Variants in CHN2 observed in about 807,000 individuals in gnomAD.
CHN2 encodes beta-chimaerin.
In CHN2, 35 loss-of-function variants were observed where a neutral mutation model predicts 56.3. The observed-to-expected ratio is 0.62, with a 90% CI of 0.47 to 0.82. CHN2 has a LOEUF of 0.82. Ranked by LOEUF, CHN2 falls within the 40% of genes least tolerant of loss-of-function variation. The pLI is 0.00. For missense variants in CHN2, 491 were observed against 580.5 expected (o/e 0.85, Z 1.58); for synonymous variants, 210 against 212.8 (o/e 0.99, Z 0.12).
Position 29,442,934 on chromosome 7 carries a change from C to CTTTTTTTTTTTTTTTTTTT in CHN2, c.577-37328_577-37327insTTTTTTTTTTTTTTTTTTT, listed in dbSNP as rs541792526. ...CATCGCTTTCAATTTCATTGAATTT[C>CTTTTTTTTTTTTTTTTTTT]TTTTTTTTTTTTTTTTTGAGACGGA... On this transcript the variant is annotated intron_variant, in intron 6 of 12. Coordinates refer to ENST00000222792, the MANE Select transcript of CHN2 (RefSeq NM_004067.4). Among the ~76,000 whole-genome samples the CTTTTTTTTTTTTTTTTTTT allele has an allele frequency of 1.3e-3, 130 of 103,040 alleles. 17 individuals carry two copies. Among genetic ancestry groups the CTTTTTTTTTTTTTTTTTTT allele is most frequent in the Non-Finnish European group, 1.7e-3 (95 of 54,728 alleles). The allele number at this position is 103,040 out of a possible 152,430, so 67.6% of individuals were successfully genotyped here. A position where few individuals can be genotyped will look rare whatever the true frequency, so the allele number is the denominator to read the frequency against.
intron 1 of CHN2, among the ~76,000 whole-genome samples, chr7:29,347,455 C>T (rs1322071649): frequency 6.6e-6 from 1 of 152,102 alleles, no homozygotes; most frequent in Non-Finnish European, 1.5e-5. Flanking sequence ...CCTCAGGAAA[C>T]TTACAATCAT....
chr7:29,328,236 C>A (rs887741171), intron 1 of CHN2, among the ~76,000 whole-genome samples: 2 of 152,144 alleles, frequency 1.3e-5, no homozygotes. Context: ...TTAACTTAGG[C>A]AAACACTTCC....
At chr7:29,482,259 A>G (rs1488407669) in intron 7 of CHN2, among the ~76,000 whole-genome samples, 1 of 152,222 alleles carries the variant, frequency 6.6e-6, no homozygotes, top group Admixed American at 6.5e-5. Context: ...CATGTTTTAA[A>G]CAGACATCTT....
At chr7:29,204,742 A>G (rs1301591271) in intron 1 of CHN2, among the ~76,000 whole-genome samples, 2 of 152,132 alleles carry the variant, frequency 1.3e-5, no homozygotes, top group South Asian at 2.1e-4. Flanking sequence ...CCTAGGGTTG[A>G]ACTTTGGTCT....
chr7:29,320,892 C>T (rs570752696), intron 1 of CHN2, among the ~76,000 whole-genome samples: 1 of 152,314 alleles, frequency 6.6e-6, no homozygotes, highest in East Asian at 1.9e-4. Context: ...ATAGAGACCA[C>T]ATGGGTCCCA....
chr7:29,425,180 T>C (rs1353677157), intron 6 of CHN2, among the ~76,000 whole-genome samples: 1 of 152,222 alleles, frequency 6.6e-6, no homozygotes, highest in Non-Finnish European at 1.5e-5. Context: ...CCCCCTGCGG[T>C]TGGGTGAGGC....
At chr7:29,418,544 T>TTTTTG (rs1378345990) in intron 6 of CHN2, among the ~76,000 whole-genome samples, 1 of 152,242 alleles carries the variant, frequency 6.6e-6, no homozygotes, top group African/African-American at 2.4e-5. Context: ...ATGAATTCTT[T>TTTTTG]TTTTGTTTTG....
intron 3 of CHN2, among the ~76,000 whole-genome samples, chr7:29,374,927 G>A (rs1461652397): frequency 6.8e-6 from 1 of 146,288 alleles, no homozygotes; most frequent in Admixed American, 7.0e-5. Flanking sequence ...GCTCTCGTTG[G>A]CCCAGGCTGG....
At chr7:29,493,424 C>T (rs1009115454) in intron 7 of CHN2, among the ~76,000 whole-genome samples, 1 of 152,122 alleles carries the variant, frequency 6.6e-6, no homozygotes, top group Non-Finnish European at 1.5e-5. Flanking sequence ...TTTTAAATAT[C>T]ATCTATTCAT....
chr7:29,473,023 T>A (rs563504660), intron 6 of CHN2, among the ~76,000 whole-genome samples: 3 of 152,194 alleles, frequency 2.0e-5, no homozygotes, highest in Admixed American at 2.0e-4. Context: ...TACATCCAGG[T>A]GTGTGTATAC....
chr7:29,377,913 CTTGGCACAGCCCAACAAAGGCATAT>C (rs1190047385), intron 3 of CHN2, among the ~76,000 whole-genome samples: 2 of 152,224 alleles, frequency 1.3e-5, no homozygotes, highest in African/African-American at 4.8e-5. Flanking sequence ...ATTAAATAGC[CTTGGCACAGCCCAACAAAGGCATAT>C]TTGGTTGCCA....
Position 29,482,825 on chromosome 7 carries a change from T to C in CHN2, c.654+2469T>C, listed in dbSNP as rs1448898240. ...TTTTTTTTTTTTTTTTTTTTTTTTT[T>C]TTTTTTTTTTTTTTGAGACGGAGTC... On this transcript the variant is annotated intron_variant, in intron 7 of 12. Transcript: ENST00000222792. 5.6e-4 allele frequency among the ~76,000 whole-genome samples: 43 copies of C among 77,412 alleles called. 2 individuals are homozygous for C. Among genetic ancestry groups the C allele is most frequent in the African/African-American group, 2.3e-3 (43 of 18,856 alleles). The allele number at this position is 77,412 out of a possible 152,430, so 50.8% of individuals were successfully genotyped here.
intron 1 of CHN2, among the ~76,000 whole-genome samples, chr7:29,243,036 G>T (rs1787809759): frequency 2.6e-5 from 4 of 152,086 alleles, no homozygotes; most frequent in African/African-American, 9.7e-5. Context: ...GGAGATATTT[G>T]TGAAAATTTT....
At chr7:29,338,379 G>A (rs1796786136) in intron 1 of CHN2, among the ~76,000 whole-genome samples, 1 of 152,202 alleles carries the variant, frequency 6.6e-6, no homozygotes, top group Non-Finnish European at 1.5e-5. Flanking sequence ...ACATTGCAGT[G>A]TCTAGTATGA....
chr7:29,479,384 G>A (rs537094156), intron 6 of CHN2, among the ~76,000 whole-genome samples: 1 of 152,272 alleles, frequency 6.6e-6, no homozygotes, highest in Non-Finnish European at 1.5e-5. Context: ...GAGAGACCGG[G>A]GAGTGTCCTG....
intron 6 of CHN2, among the ~76,000 whole-genome samples, chr7:29,402,233 AT>A (rs1802281216): frequency 6.6e-6 from 1 of 152,098 alleles, no homozygotes; most frequent in African/African-American, 2.4e-5. Flanking sequence ...ATGTCAACTG[AT>A]TTGCTGATTG....
chr7:29,461,202 A>G (rs1056787740), intron 6 of CHN2, among the ~76,000 whole-genome samples: 2 of 152,216 alleles, frequency 1.3e-5, no homozygotes, highest in African/African-American at 4.8e-5. Flanking sequence ...TTCATTTAGA[A>G]ACATGTAATG....
chr7:29,289,758 G>A (rs1046253652), intron 1 of CHN2, among the ~76,000 whole-genome samples: 12 of 152,184 alleles, frequency 7.9e-5, no homozygotes, highest in Admixed American at 4.6e-4. Context: ...TATCAACGCC[G>A]CACTGTTTTG....
intron 1 of CHN2, among the ~76,000 whole-genome samples, chr7:29,344,777 G>A (rs3793279): frequency 1.3e-5 from 2 of 151,804 alleles, no homozygotes; most frequent in Non-Finnish European, 2.9e-5. Context: ...CCTGGACAGG[G>A]CTACTCAAGG....
Sources: allele counts gnomAD v4.1 joint callset (sites outside exome capture counted in the v4.1 genomes callset), GRCh38; gene constraint gnomAD v4.1.1; transcripts MANE v1.5; gene names NCBI Gene and HGNC (gene_info 2026-07-23, HGNC 2026-07-21).